RGS8: variants seen among roughly 807,000 people sequenced by gnomAD.
The protein encoded by RGS8 is regulator of G-protein signaling 8.
In RGS8, 8 loss-of-function variants were observed where a neutral mutation model predicts 21.7. The ratio of observed to expected loss-of-function variants is 0.37; its 90% confidence interval spans 0.22 to 0.66. The LOEUF is 0.66. RGS8 is among the 30% of genes least tolerant of loss of function. The pLI, the probability that RGS8 is intolerant of heterozygous loss-of-function variation, is 0.59. For missense variants in RGS8, 157 were observed against 217.9 expected (o/e 0.72, Z 1.76); for synonymous variants, 80 against 83.6 (o/e 0.96, Z 0.24).
the RGS8 span, chr1:182,714,513 C>T: frequency 6.6e-6 from 1 of 152,194 alleles, no homozygotes; most frequent in African/African-American, 2.4e-5. Context: ...AACAATTGCT[C>T]ATCATTAAAC....
At chr1:182,750,223 G>A in the RGS8 span, among the ~76,000 whole-genome samples, 1 of 152,120 alleles carries the variant, frequency 6.6e-6, no homozygotes, top group African/African-American at 2.4e-5. Context: ...CTACAAAACT[G>A]GAACTGGTCA....
At chr1:182,701,148 A>G in the RGS8 span, among the ~76,000 whole-genome samples, 3 of 152,244 alleles carry the variant, frequency 2.0e-5, no homozygotes, top group African/African-American at 4.8e-5. Context: ...AATTAATGGC[A>G]TGGGGCGGAA....
intron 4 of RGS8, 74 bp downstream of exon 5, chr1:182,666,798 A>G (rs1369866117): frequency 2.7e-6 from 3 of 1,091,100 alleles, no homozygotes; most frequent in African/African-American, 1.5e-5. Context: ...TCATCTGGTC[A>G]GCATCTCACT....
chr1:182,666,094 C>T, intron 4 of RGS8, 61 bp from the exon 6 acceptor site: 2 of 1,448,524 alleles, frequency 1.4e-6, no homozygotes, highest in Non-Finnish European at 1.9e-6. Context: ...CCCTCAACAA[C>T]CGCTAAGATT....
At chr1:182,666,578 T>C (rs1663870837) in intron 4 of RGS8, among the ~76,000 whole-genome samples, 1 of 152,074 alleles carries the variant, frequency 6.6e-6, no homozygotes, top group Admixed American at 6.5e-5. Flanking sequence ...AGAGCTCAGA[T>C]TGACAACTAA....
At chr1:182,646,707 G>A (rs200611557) in exon 7 of RGS8, 5 of 1,582,966 alleles carry the variant, frequency 3.2e-6, no homozygotes, top group East Asian at 4.5e-5. Flanking sequence ...GGGAAAGCCG[G>A]TGATTTCCAG....
At chr1:182,730,467 T>A in the RGS8 span, among the ~76,000 whole-genome samples, 1 of 152,178 alleles carries the variant, frequency 6.6e-6, no homozygotes, top group South Asian at 2.1e-4. Context: ...CCCAGTACTT[T>A]GGGAGGCCAA....
chr1:182,705,547 A>ATATAGAGAGTTGCCAGTT, the RGS8 span, among the ~76,000 whole-genome samples: 1 of 151,194 alleles, frequency 6.6e-6, no homozygotes, highest in Non-Finnish European at 1.5e-5. Context: ...TTTTATAGCT[A>ATATAGAGAGTTGCCAGTT]CTTTATCTAG....
chr1:182,648,551 T>C (rs779840368), intron 5 of RGS8, among the ~76,000 whole-genome samples: 44 of 151,140 alleles, frequency 2.9e-4, no homozygotes, highest in Admixed American at 5.3e-4. Flanking sequence ...CTGGCCAAAA[T>C]TGTAAAATCC....
chr1:182,692,810 C>A, the RGS8 span, among the ~76,000 whole-genome samples: 156 of 152,074 alleles, frequency 1.0e-3, no homozygotes, highest in African/African-American at 3.4e-3. Context: ...GTTAGAGAAC[C>A]CAGAAATAAA....
chr1:182,682,675 G>A (rs886716420), intron 1 of RGS8, among the ~76,000 whole-genome samples: 1 of 152,128 alleles, frequency 6.6e-6, no homozygotes, highest in East Asian at 1.9e-4. Flanking sequence ...GGAGGGCCCA[G>A]GGTAATTCAA....
chr1:182,651,454 C>G (rs1663009032), intron 5 of RGS8, among the ~76,000 whole-genome samples: 1 of 152,208 alleles, frequency 6.6e-6, no homozygotes, highest in Non-Finnish European at 1.5e-5. Flanking sequence ...TTTGGCCCAG[C>G]ATTGCAAGAG....
the RGS8 span, among the ~76,000 whole-genome samples, chr1:182,716,006 G>A: frequency 3.9e-5 from 6 of 151,976 alleles, no homozygotes; most frequent in East Asian, 1.2e-3. Flanking sequence ...CATATAAAAT[G>A]GCATCGTATT....
intron 2 of RGS8, among the ~76,000 whole-genome samples, chr1:182,670,947 G>T (rs1205125339): frequency 6.6e-6 from 1 of 152,112 alleles, no homozygotes; most frequent in African/African-American, 2.4e-5. Flanking sequence ...GGGCACCTAG[G>T]CCTCTTGCTG....
In RGS8 at chr1:182,647,522, C is replaced by T. The variant is rs571449801; in HGVS notation, c.361-605G>A. On this transcript the variant is annotated intron_variant, in intron 6 of 6. Transcript: ENST00000483095. Reference sequence around the variant, plus strand: ...TAGCAAACATTTTTCTTCATTTAAACCCTCCCCTCCCAAGTGAAATTCTGT... The same window carrying T: ...TAGCAAACATTTTTCTTCATTTAAATCCTCCCCTCCCAAGTGAAATTCTGT... 7.2e-5 allele frequency among the ~76,000 whole-genome samples: 11 copies of T among 152,240 alleles called. No homozygotes were observed. The South Asian group carries it at 2.3e-3, about 32-fold the overall frequency.
the RGS8 span, among the ~76,000 whole-genome samples, chr1:182,737,302 CTATA>C: frequency 6.7e-6 from 1 of 149,546 alleles, no homozygotes; most frequent in Non-Finnish European, 1.5e-5. Context: ...AAAAAATTAA[CTATA>C]TAATAAATTT....
chr1:182,661,157 C>A (rs1033900664), intron 5 of RGS8, among the ~76,000 whole-genome samples: 1 of 151,656 alleles, frequency 6.6e-6, no homozygotes, highest in African/African-American at 2.4e-5. Flanking sequence ...ATATCTCAAC[C>A]ATTATCTCAA....
At chr1:182,735,927 C>T in the RGS8 span, among the ~76,000 whole-genome samples, 10 of 152,318 alleles carry the variant, frequency 6.6e-5, no homozygotes, top group African/African-American at 2.4e-4. Flanking sequence ...ACCTGAAGGC[C>T]ACAGAGTGCC....
At chr1:182,641,877 T>C (rs1662479949), downstream of RGS8, 2 of 152,222 alleles carry the variant, frequency 1.3e-5, no homozygotes, top group Admixed American at 1.3e-4. Context: ...GTGAATGACA[T>C]GATTCCACTT....
Sources: allele counts gnomAD v4.1 joint callset (sites outside exome capture counted in the v4.1 genomes callset), GRCh38; gene constraint gnomAD v4.1.1; transcripts MANE v1.5; gene names NCBI Gene and HGNC (gene_info 2026-07-23, HGNC 2026-07-21).